SLC26A2: variants seen among roughly 807,000 people sequenced by gnomAD.
The protein encoded by SLC26A2 is solute carrier family 26 member 2.
SLC26A2 carries 36 observed loss-of-function variants against 41.1 expected under a neutral mutation model. The observed-to-expected ratio is 0.88, with a 90% CI of 0.67 to 1.16. The LOEUF is 1.16. Ranked by LOEUF, SLC26A2 falls within the 50% of genes most tolerant of loss-of-function variation. The probability of loss-of-function intolerance (pLI) is 0.00; values close to 1 mark genes in which losing one functional copy is unlikely to be tolerated. For synonymous variants in SLC26A2, 291 were observed against 311.6 expected (o/e 0.93, Z 0.70); for missense variants, 796 against 869.6 (o/e 0.92, Z 1.07).
At chr5:149,973,181 A>G (rs1448542056) in intron 1 of SLC26A2, among the ~76,000 whole-genome samples, 1 of 152,038 alleles carries the variant, frequency 6.6e-6, no homozygotes, top group African/African-American at 2.4e-5. Context: ...ATAATCAGAA[A>G]ATTTTAAAAA....
intron 1 of SLC26A2, among the ~76,000 whole-genome samples, chr5:149,963,082 A>ATT (rs1754739842): frequency 7.2e-6 from 1 of 138,052 alleles, no homozygotes; most frequent in Non-Finnish European, 1.6e-5. Flanking sequence ...CAGTGGTGCT[A>ATT]TATTTATTTA....
In SLC26A2 at chr5:149,977,608, T is replaced by C. The variant is rs777620332; in HGVS notation, c.-25-20T>C. 1.7e-6 allele frequency: 2 copies of C among 1,184,562 alleles called. No homozygotes were observed. The highest frequency in any genetic ancestry group is 2.5e-6 in the Non-Finnish European group (2 of 789,508). The allele number at this position is 1,184,562 out of a possible 1,614,324, so 73.4% of individuals were successfully genotyped here. On this transcript the variant is annotated intron_variant, in intron 1 of 2. Transcript: ENST00000286298. ...TGAGAATTACTTTATTGATGAACAC[T>C]GGTATTTTCTCTGGTGTAGGAAGCT...
intron 1 of SLC26A2, among the ~76,000 whole-genome samples, chr5:149,976,145 G>A (rs1295536188): frequency 1.3e-4 from 19 of 144,480 alleles, no homozygotes; most frequent in Admixed American, 9.8e-4. Flanking sequence ...GCGACAGAGT[G>A]AAACTCTGTC....
chr5:149,974,715 AC>A (rs1754962617), intron 1 of SLC26A2, among the ~76,000 whole-genome samples: 1 of 120,190 alleles, frequency 8.3e-6, no homozygotes, highest in Non-Finnish European at 1.7e-5. Context: ...GAGCCACTGC[AC>A]CCGGCCTTTT....
In SLC26A2 at chr5:149,983,069, T is replaced by G. The variant is rs2113700828; in HGVS notation, c.*1256T>G. ...AAAAGTACAAAATCATTTTTCAATC[T>G]GTTCCCAGTTTCTAAACAATTTTAA... On this transcript the variant is annotated 3_prime_UTR_variant, in exon 3 of 3. Transcript: ENST00000286298. 1 of 152,142 alleles carries G rather than the reference T, an allele frequency of 6.6e-6. No homozygotes were observed. Among genetic ancestry groups the G allele is most frequent in the Non-Finnish European group, 1.5e-5 (1 of 67,976 alleles). 9.4% of individuals were successfully genotyped at this position (152,142 alleles called of 1,614,324 possible).
In SLC26A2 at chr5:149,986,424, C is replaced by T. The variant is rs1347847434; in HGVS notation, c.*4611C>T. 2.0e-5 allele frequency: 3 copies of T among 151,406 alleles called. No individual in the cohort carries two copies. Among genetic ancestry groups the T allele is most frequent in the Non-Finnish European group, 2.9e-5 (2 of 67,874 alleles). The allele number at this position is 151,406 out of a possible 1,614,324, so 9.4% of individuals were successfully genotyped here. On this transcript the variant is annotated 3_prime_UTR_variant, in exon 3 of 3. Transcript: ENST00000286298. ...CGTGTATTAAAATACTATTGAAATA[C>T]GTTAAAGGTAAATTTTTAAGGTTTA...
intron 1 of SLC26A2, among the ~76,000 whole-genome samples, chr5:149,965,353 G>A (rs1025869263): frequency 5.3e-5 from 8 of 151,790 alleles, no homozygotes; most frequent in Admixed American, 2.0e-4. Flanking sequence ...GGTGGCAGGC[G>A]CCTGTAGTCC....
chr5:149,968,645 C>A (rs551466437), intron 1 of SLC26A2, among the ~76,000 whole-genome samples: 5 of 148,732 alleles, frequency 3.4e-5, no homozygotes, highest in African/African-American at 1.3e-4. Context: ...TGGTCTTGAT[C>A]TCCTGACCTT....
chr5:149,982,485 T>C lies in SLC26A2; in HGVS notation c.*672T>C, dbSNP rs1359973561. 6.6e-6 allele frequency: 1 copy of C among 152,220 alleles called. No individual in the cohort carries two copies. Among genetic ancestry groups the C allele is most frequent in the Non-Finnish European group, 1.5e-5 (1 of 68,038 alleles). 9.4% of individuals were successfully genotyped at this position (152,220 alleles called of 1,614,324 possible). ...CCCTTTGTAATACATTGGAAATTTT[T>C]ACTCATGCCTTTTTGTTTAGGATAA... is the stretch of plus-strand genomic sequence containing the variant. On this transcript the variant is annotated 3_prime_UTR_variant, in exon 3 of 3. Coordinates refer to ENST00000286298, the MANE Select transcript of SLC26A2 (RefSeq NM_000112.4).
rs1755032111 is a variant in SLC26A2, at chr5:149,978,227, C to G, written c.575C>G (p.Pro192Arg). The change falls in exon 2 of 3, where the codon CCT (proline) becomes CGT (arginine). Residue 192 changes from proline (P) to arginine (R), a missense_variant. Coordinates refer to ENST00000286298, the MANE Select transcript of SLC26A2 (RefSeq NM_000112.4). ...GGCTATGACAATGCCCATAGTGCTC[C>G]TTCCTTAGGAATGGTTTCAAATGGG... ...KAGYDNAHSA[P>R]SLGMVSNGST... 6.2e-7 allele frequency: 1 copy of G among 1,613,968 alleles called. No individual in the cohort carries two copies. The highest frequency in any genetic ancestry group is 1.3e-5 in the African/African-American group (1 of 74,904).
At position 149,981,757 on chromosome 5, in the gene SLC26A2, T is replaced by C. The variant is rs565149029; in HGVS notation, c.2164T>C (p.Ser722Pro). The change falls in exon 3 of 3, where the codon TCT becomes CCT. Residue 722 changes from serine (S) to proline (P), a missense_variant. By Grantham distance (74) the Ser-to-Pro change is moderately conservative. Transcript: ENST00000286298. ...TGAAGCGATGGCTTTTGCAGAAGTA[T>C]CTAAAAATCAGAAAGGAGTATGTGT... is the stretch of plus-strand genomic sequence containing the variant. Reference protein sequence around the residue: ...VYEAMAFAEVSKNQKGVCVPN... With the variant: ...VYEAMAFAEVPKNQKGVCVPN... 9.3e-6 allele frequency: 15 copies of C among 1,611,580 alleles called. No individual in the cohort carries two copies. In the Admixed American group the frequency reaches 1.7e-4, roughly 18 times the overall value.
At position 149,981,040 on chromosome 5, in the gene SLC26A2, C is replaced by A; in HGVS notation, c.1447C>A (p.Leu483Ile). Residue 483 changes from leucine to isoleucine, a missense_variant, in exon 3 of 3, where the codon CTT becomes ATT. Transcript: ENST00000286298. ...PLFYSLQKSV[L>I]GVITIVNLRG... ...GTTCTATTCCCTTCAAAAAAGTGTC[C>A]TTGGTGTGATCACAATTGTAAATCT... The A allele has an allele frequency of 6.2e-7, 1 of 1,614,140 alleles. No homozygotes were observed. Among genetic ancestry groups the A allele is most frequent in the Non-Finnish European group, 8.5e-7 (1 of 1,180,016 alleles).
intron 1 of SLC26A2, among the ~76,000 whole-genome samples, chr5:149,964,618 A>T (rs2113686440): frequency 6.6e-6 from 1 of 152,244 alleles, no homozygotes; most frequent in South Asian, 2.1e-4. Context: ...TCTACTAAAA[A>T]TACAAAAAAT....
chr5:149,967,033 G>A (rs557928980), intron 1 of SLC26A2, among the ~76,000 whole-genome samples: 14 of 152,240 alleles, frequency 9.2e-5, no homozygotes, highest in East Asian at 1.9e-4. Context: ...GCACAGCGGC[G>A]TGTGTCCATA....
intron 1 of SLC26A2, among the ~76,000 whole-genome samples, chr5:149,970,956 GT>G (rs1337787493): frequency 1.3e-5 from 2 of 152,196 alleles, no homozygotes; most frequent in African/African-American, 4.8e-5. Flanking sequence ...CTTAAAATAT[GT>G]GTGTAATTTA....
intron 2 of SLC26A2, among the ~76,000 whole-genome samples, chr5:149,979,494 A>G (rs1755055343): frequency 6.6e-6 from 1 of 152,034 alleles, no homozygotes; most frequent in Non-Finnish European, 1.5e-5. Flanking sequence ...TCCTCCCAAT[A>G]TTGCCTCCCC....
At position 149,981,454 on chromosome 5, in the gene SLC26A2, A is replaced by G. The variant is rs183475628; in HGVS notation, c.1861A>G (p.Ile621Val). 6.2e-7 allele frequency: 1 copy of G among 1,614,196 alleles called. No homozygotes were observed. The highest frequency in any genetic ancestry group is 1.7e-5 in the Admixed American group (1 of 60,026). ...VAWKKAAKRK[I>V]KEKVVTLGGI... ...TTGGAAGAAGGCAGCAAAGAGAAAG[A>G]TCAAAGAAAAAGTAGTGACTCTTGG... The change falls in exon 3 of 3, where the codon ATC becomes GTC. Residue 621 changes from isoleucine to valine, a missense_variant. Ile to Val is a conservative substitution (Grantham distance 29, BLOSUM62 3). Coordinates refer to ENST00000286298, the MANE Select transcript of SLC26A2 (RefSeq NM_000112.4).
intron 1 of SLC26A2, among the ~76,000 whole-genome samples, chr5:149,966,022 A>C (rs1754800164): frequency 6.6e-6 from 1 of 152,168 alleles, no homozygotes; most frequent in Non-Finnish European, 1.5e-5. Flanking sequence ...CTTGTGCCTC[A>C]GCCTCCCAAG....
chr5:149,961,298 C>T (rs950314829), intron 1 of SLC26A2, among the ~76,000 whole-genome samples: 9 of 152,184 alleles, frequency 5.9e-5, no homozygotes, highest in African/African-American at 2.2e-4. Context: ...TGATCCGTCT[C>T]GAACCTAGAT....
Sources: allele counts gnomAD v4.1 joint callset (sites outside exome capture counted in the v4.1 genomes callset), GRCh38; gene constraint gnomAD v4.1.1; transcripts MANE v1.5; gene names NCBI Gene and HGNC (gene_info 2026-07-23, HGNC 2026-07-21).